MALT1: variants seen among roughly 807,000 people sequenced by gnomAD.
MALT1 encodes MALT1 paracaspase.
MALT1 carries 36 observed loss-of-function variants against 85.5 expected under a neutral mutation model. That is an observed-to-expected ratio of 0.42 (90% CI 0.32 to 0.56). MALT1 has a LOEUF of 0.56. Ranked by LOEUF, MALT1 falls within the 20% of genes least tolerant of loss-of-function variation. The pLI, the probability that MALT1 is intolerant of heterozygous loss-of-function variation, is 0.10. For synonymous variants in MALT1, 359 were observed against 361.3 expected (o/e 0.99, Z 0.07); for missense variants, 716 against 981.6 (o/e 0.73, Z 3.62).
Position 58,718,426 on chromosome 18 carries a change from A to G in MALT1, c.1018+2459A>G, listed in dbSNP as rs951075545. On this transcript the variant is annotated intron_variant, in intron 9 of 16. Transcript: ENST00000649217. ...TGAGACACACAGCAGGAGGCGAGTG[A>G]GCGAGCATTACCACCTGAGCTCTGC... is the stretch of plus-strand genomic sequence containing the variant. 2.0e-5 allele frequency among the ~76,000 whole-genome samples: 3 copies of G among 152,200 alleles called. No homozygotes were observed. The South Asian group carries it at 6.2e-4, about 31-fold the overall frequency.
In MALT1 at chr18:58,705,077, C is replaced by T. The variant is rs561843640; in HGVS notation, c.650-4301C>T. On this transcript the variant is annotated intron_variant, in intron 4 of 16. Transcript: ENST00000649217. The stretch of plus-strand genomic sequence containing the variant: ...CATTTTTTAATATTCCATTTTATCT[C>T]CTTTATTGACTTTAGCTGTGTCTTA... Among the ~76,000 whole-genome samples the T allele has an allele frequency of 7.2e-5, 11 of 152,150 alleles. No homozygotes were observed. In the South Asian group the frequency reaches 2.3e-3, roughly 32 times the overall value.
intron 1 of MALT1, among the ~76,000 whole-genome samples, chr18:58,680,164 T>G (rs573332587): frequency 6.6e-6 from 1 of 152,368 alleles, no homozygotes; most frequent in East Asian, 1.9e-4. Context: ...CTTAGATACC[T>G]TTTCAGAGTT....
intron 2 of MALT1, among the ~76,000 whole-genome samples, chr18:58,688,754 A>T (rs1240305007): frequency 6.6e-6 from 1 of 152,012 alleles, no homozygotes; most frequent in Non-Finnish European, 1.5e-5. Context: ...TGGTATATTC[A>T]TGAGCCGTGT....
At chr18:58,728,247 T>C (rs1436752958) in intron 10 of MALT1, among the ~76,000 whole-genome samples, 1 of 152,174 alleles carries the variant, frequency 6.6e-6, no homozygotes, top group Non-Finnish European at 1.5e-5. Context: ...TTCTCTATCC[T>C]TGAGTAATGG....
chr18:58,687,121 A>G (rs1449737336), intron 2 of MALT1, among the ~76,000 whole-genome samples: 1 of 152,194 alleles, frequency 6.6e-6, no homozygotes, highest in African/African-American at 2.4e-5. Context: ...GTGCTCAAAG[A>G]CTGGATCTTA....
chr18:58,727,616 G>GTTTTT lies in MALT1; in HGVS notation c.1222+4372_1222+4376dup, dbSNP rs751434443. On this transcript the variant is annotated intron_variant, in intron 10 of 16. Transcript: ENST00000649217. The stretch of plus-strand genomic sequence containing the variant: ...ACCCAGCCTGCCAAAGGTTTTTTGT[G>GTTTTT]TTTTTTTTTTTGTTTTTTTTTTTTT... Among the ~76,000 whole-genome samples, 112 of 121,174 alleles carry GTTTTT rather than the reference G, an allele frequency of 9.2e-4. 3 individuals carry two copies. Among genetic ancestry groups the GTTTTT allele is most frequent in the East Asian group, 7.5e-3 (31 of 4,116 alleles). The allele number at this position is 121,174 out of a possible 152,430, so 79.5% of individuals were successfully genotyped here.
chr18:58,745,614 T>G lies in MALT1; in HGVS notation c.1912-52T>G, dbSNP rs2055355405. 10 of 1,501,872 alleles carry G rather than the reference T, an allele frequency of 6.7e-6. No homozygotes were observed. The South Asian group carries it at 1.1e-4, about 17-fold the overall frequency. 93.0% of individuals were successfully genotyped at this position (1,501,872 alleles called of 1,614,324 possible). A position where few individuals can be genotyped will look rare whatever the true frequency, so the allele number is the denominator to read the frequency against. On this transcript the variant is annotated intron_variant, in intron 15 of 16. Transcript: ENST00000649217. ...AGATGTCTTATGTACTAGATTATAT[T>G]GTGGCTTTCATTGATTTCATTATTA...
At chr18:58,729,866 ATGTCAGGAAAAGCCAGTATGTGAT>A (rs1200979546) in intron 10 of MALT1, among the ~76,000 whole-genome samples, 1 of 152,226 alleles carries the variant, frequency 6.6e-6, no homozygotes, top group Non-Finnish European at 1.5e-5. Flanking sequence ...GGACTATAGA[ATGTCAGGAAAAGCCAGTATGTGAT>A]TGTCAGAAAG....
intron 16 of MALT1, among the ~76,000 whole-genome samples, chr18:58,746,670 A>G (rs186050115): frequency 1.6e-4 from 25 of 152,244 alleles, no homozygotes; most frequent in African/African-American, 6.0e-4. Context: ...ACGATTATGG[A>G]TTACTATAAT....
At chr18:58,679,855 C>T (rs752007818) in intron 1 of MALT1, among the ~76,000 whole-genome samples, 4 of 152,046 alleles carry the variant, frequency 2.6e-5, no homozygotes, top group Non-Finnish European at 4.4e-5. Flanking sequence ...AGCCTAAGTA[C>T]TTTGAATGTC....
rs1568161698 is a variant in MALT1, at chr18:58,751,104, GGTT to G, written c.*3267_*3269del. 3 of 152,224 alleles carry G rather than the reference GGTT, an allele frequency of 2.0e-5. No individual in the cohort carries two copies. 9.4% of individuals were successfully genotyped at this position (152,224 alleles called of 1,614,324 possible). A position where few individuals can be genotyped will look rare whatever the true frequency, so the allele number is the denominator to read the frequency against. On this transcript the variant is annotated 3_prime_UTR_variant, in exon 17 of 17. Coordinates refer to ENST00000649217, the MANE Select transcript of MALT1 (RefSeq NM_006785.4). Reference sequence around the variant, plus strand: ...AGTGTGATAGCCTTTAGCCTCATGGGGTTGTTGAGCAGTTGAAATAATAGCTAG... The same window carrying G: ...AGTGTGATAGCCTTTAGCCTCATGGGGTTGAGCAGTTGAAATAATAGCTAG...
At chr18:58,733,652 C>A in intron 11 of MALT1, 78 bp downstream of exon 11, 1 of 1,154,724 alleles carries the variant, frequency 8.7e-7, no homozygotes, top group Non-Finnish European at 1.2e-6. Context: ...CTGTGAAATG[C>A]TAAAAGCCAT....
At chr18:58,735,462 C>A in intron 13 of MALT1, 133 bp downstream of exon 13, 1 of 835,806 alleles carries the variant, frequency 1.2e-6, no homozygotes, top group Non-Finnish European at 1.7e-6. Flanking sequence ...CTTTATAAAA[C>A]AATTTTTATA....
intron 1 of MALT1, among the ~76,000 whole-genome samples, chr18:58,677,874 G>T (rs764456414): frequency 2.0e-5 from 3 of 152,136 alleles, no homozygotes; most frequent in Non-Finnish European, 1.5e-5. Flanking sequence ...GTGATCACAG[G>T]AGGCCTTAGA....
intron 15 of MALT1, 139 bp from the exon 16 acceptor site, chr18:58,745,527 A>G (rs1294077278): frequency 3.1e-6 from 2 of 637,972 alleles, no homozygotes; most frequent in African/African-American, 1.8e-5. Context: ...TTAGTCCTGG[A>G]TAATTTTGGG....
intron 10 of MALT1, among the ~76,000 whole-genome samples, chr18:58,732,243 A>G (rs1043893449): frequency 1.3e-5 from 2 of 152,286 alleles, no homozygotes; most frequent in Admixed American, 1.3e-4. Context: ...AGGGGAGGAT[A>G]TCTTCAAAAG....
chr18:58,700,679 T>A, intron 4 of MALT1, 88 bp downstream of exon 4: 1 of 1,227,692 alleles, frequency 8.1e-7, no homozygotes. Context: ...AATTTCAAAG[T>A]ATCAAAAAAC....
At chr18:58,735,078 C>A in intron 12 of MALT1, 124 bp from the exon 13 acceptor site, 1 of 776,932 alleles carries the variant, frequency 1.3e-6, no homozygotes, top group Non-Finnish European at 2.0e-6. Context: ...CCCCCCCAGC[C>A]TCTGGTAACC....
At chr18:58,715,812 A>G (rs981949844) in intron 8 of MALT1, 123 bp from the exon 9 acceptor site, 1 of 718,968 alleles carries the variant, frequency 1.4e-6, no homozygotes, top group Non-Finnish European at 2.4e-6. Context: ...TTTTATTAAA[A>G]ATCTGAAGAG....
Sources: allele counts gnomAD v4.1 joint callset (sites outside exome capture counted in the v4.1 genomes callset), GRCh38; gene constraint gnomAD v4.1.1; transcripts MANE v1.5; gene names NCBI Gene and HGNC (gene_info 2026-07-23, HGNC 2026-07-21).